KDM2A: variants seen among roughly 807,000 people sequenced by gnomAD.
The protein encoded by KDM2A is lysine demethylase 2A, also known as lysine-specific demethylase 2A.
In KDM2A, 3 loss-of-function variants were observed where a neutral mutation model predicts 137.3. The ratio of observed to expected loss-of-function variants is 0.02; its 90% CI spans 0.01 to 0.06. The LOEUF is 0.06. KDM2A is among the 10% of genes least tolerant of loss of function. The pLI is 1.00. For missense variants in KDM2A, 738 were observed against 1,510.6 expected (o/e 0.49, Z 8.48); for synonymous variants, 512 against 541.5 (o/e 0.95, Z 0.76).
At position 67,250,526 on chromosome 11, in the gene KDM2A, C is replaced by A. The variant is rs753997374; in HGVS notation, c.2496C>A (p.Ser832=). The change falls in exon 17 of 21, where the codon TCC becomes TCA. Residue 832 remains serine (S), a synonymous_variant. Transcript: ENST00000529006. This position sits in a 1 kb window ranked among gnomAD's most constrained non-coding sequence, Gnocchi z 7.1. The part of the protein sequence containing the change: ...ITASSANLRH[S]PRVLVQHCPA... ...CCTCCTCTGCCAACCTTCGCCATTC[C>A]CCCCGTGTGCTAGTGCAGCACTGCC... 3.7e-6 allele frequency: 6 copies of A among 1,613,984 alleles called. No homozygotes were observed. Among genetic ancestry groups the A allele is most frequent in the East Asian group, 4.5e-5 (2 of 44,890 alleles).
rs954573221 is a variant in KDM2A at position 67,255,013 on chromosome 11, C to T, written c.3447C>T (p.Leu1149=). The T allele has an allele frequency of 6.2e-7, 1 of 1,613,204 alleles. No individual in the cohort carries two copies. The highest frequency in any genetic ancestry group is 1.3e-5 in the African/African-American group (1 of 74,906). The change falls in exon 21 of 21, where the codon CTC becomes CTT. Residue 1149 remains leucine (L), a synonymous_variant. Coordinates refer to ENST00000529006, the MANE Select transcript of KDM2A (RefSeq NM_012308.3). ...TCTCAGACTTGTCCATCAACAGCCT[C>T]TACTGCCTGTCTGACGAGAAGCTGA... is the stretch of plus-strand genomic sequence containing the variant. ...HFISDLSINS[L]YCLSDEKLIQ...
chr11:67,243,089 T>C lies in KDM2A; in HGVS notation c.1560T>C (p.Asp520=). The C allele has an allele frequency of 6.2e-7, 1 of 1,609,850 alleles. No homozygotes were observed. Among genetic ancestry groups the C allele is most frequent in the South Asian group, 1.1e-5 (1 of 90,990 alleles). The change falls in exon 13 of 21, where the codon GAT becomes GAC. Residue 520 remains aspartate, a synonymous_variant. Coordinates refer to ENST00000529006, the MANE Select transcript of KDM2A (RefSeq NM_012308.3). ...CTATAGTACAGTGGCCAAAAAGGGA[T>C]AAGGTAAGAAACTATTTTCCTTGAT... ...GVPIVQWPKR[D]KLKFPTRPKV...
intron 5 of KDM2A, among the ~76,000 whole-genome samples, chr11:67,206,753 A>T (rs945137853): frequency 6.6e-6 from 1 of 152,212 alleles, no homozygotes; most frequent in Non-Finnish European, 1.5e-5. Context: ...ATAAATAAAC[A>T]AACTTAGGTC....
At chr11:67,231,354 C>G (rs1036425792) in intron 11 of KDM2A, among the ~76,000 whole-genome samples, 2 of 152,110 alleles carry the variant, frequency 1.3e-5, no homozygotes, top group African/African-American at 2.4e-5. Context: ...TGACTATTAC[C>G]TAGGTGTCCT....
At chr11:67,124,169 A>C (rs1376138270) in intron 2 of KDM2A, among the ~76,000 whole-genome samples, 1 of 139,344 alleles carries the variant, frequency 7.2e-6, no homozygotes, top group Non-Finnish European at 1.6e-5. Flanking sequence ...ACACCCAGCT[A>C]ATTTTTATAT....
intron 2 of KDM2A, among the ~76,000 whole-genome samples, chr11:67,126,066 G>T (rs868395872): frequency 6.8e-6 from 1 of 148,146 alleles, no homozygotes; most frequent in Non-Finnish European, 1.5e-5. Flanking sequence ...ACACAACATG[G>T]AGAAACCCCG....
rs1175498365 is a variant in KDM2A, at chr11:67,125,958, A to G, written c.42+4600A>G. On this transcript the variant is annotated intron_variant, in intron 2 of 20. Transcript: ENST00000529006. The stretch of plus-strand genomic sequence containing the variant: ...GCTTCACCTCAAAAAAAAAAAAAAA[A>G]AAAAAGGCCAGGCACAGTGTCTCAC... 2.0e-5 allele frequency among the ~76,000 whole-genome samples: 3 copies of G among 149,932 alleles called. No individual in the cohort carries two copies. The Admixed American group carries it at 2.0e-4, about 10-fold the overall frequency.
At chr11:67,130,514 G>A (rs187930586) in intron 2 of KDM2A, among the ~76,000 whole-genome samples, 74 of 152,230 alleles carry the variant, frequency 4.9e-4, no homozygotes, top group African/African-American at 1.7e-3. Context: ...CAGCCTTAAA[G>A]CTGTGAAGTT....
chr11:67,181,781 A>G (rs894107998), intron 4 of KDM2A, 65 bp from the exon 5 acceptor site: 1 of 1,443,238 alleles, frequency 6.9e-7, no homozygotes. Flanking sequence ...ACTTTAAGAA[A>G]AAAAACTCAC....
At chr11:67,194,960 A>G (rs1033850835) in intron 5 of KDM2A, among the ~76,000 whole-genome samples, 1 of 152,314 alleles carries the variant, frequency 6.6e-6, no homozygotes, top group East Asian at 1.9e-4. Context: ...CTCAATTATT[A>G]CAGGAATCCT....
At chr11:67,151,905 G>A (rs560989964) in intron 2 of KDM2A, among the ~76,000 whole-genome samples, 57 of 151,998 alleles carry the variant, frequency 3.8e-4, no homozygotes, top group African/African-American at 1.3e-3. Context: ...CCACCACACC[G>A]GGCTAATTTT....
intron 10 of KDM2A, among the ~76,000 whole-genome samples, chr11:67,225,316 A>G (rs1858505483): frequency 6.6e-6 from 1 of 152,204 alleles, no homozygotes; most frequent in African/African-American, 2.4e-5. Context: ...AATCCTAGAA[A>G]ACATAGCATT....
intron 2 of KDM2A, among the ~76,000 whole-genome samples, chr11:67,165,810 A>G (rs567646817): frequency 6.6e-6 from 1 of 152,164 alleles, no homozygotes; most frequent in Non-Finnish European, 1.5e-5. Flanking sequence ...TTTCAGGTTT[A>G]TAGTAACCTT....
intron 12 of KDM2A, among the ~76,000 whole-genome samples, chr11:67,240,665 G>A (rs572289725): frequency 1.7e-4 from 26 of 152,118 alleles, no homozygotes; most frequent in Non-Finnish European, 3.4e-4. Flanking sequence ...TCTCCCGAAT[G>A]CCTGGAGCCG....
At chr11:67,217,957 C>A in intron 9 of KDM2A, 73 bp downstream of exon 9, 1 of 1,303,920 alleles carries the variant, frequency 7.7e-7, no homozygotes, top group African/African-American at 1.5e-5. Flanking sequence ...TGGATTACCA[C>A]CAAGAATAGT....
intron 5 of KDM2A, among the ~76,000 whole-genome samples, chr11:67,193,803 G>A (rs1857413454): frequency 6.6e-6 from 1 of 152,208 alleles, no homozygotes; most frequent in South Asian, 2.1e-4. Context: ...GGAGGTTGCG[G>A]TAAGCTGAGA....
chr11:67,183,820 C>T (rs1460166200), intron 5 of KDM2A, among the ~76,000 whole-genome samples: 3 of 152,024 alleles, frequency 2.0e-5, no homozygotes, highest in Non-Finnish European at 4.4e-5. Context: ...GACAAAGAGG[C>T]AGGTGGGGCC....
At chr11:67,201,700 G>A (rs978378699) in intron 5 of KDM2A, among the ~76,000 whole-genome samples, 3 of 144,066 alleles carry the variant, frequency 2.1e-5, no homozygotes, top group Non-Finnish European at 4.5e-5. Flanking sequence ...CCTGGGAGAC[G>A]GAGGTTGCAG....
intron 5 of KDM2A, among the ~76,000 whole-genome samples, chr11:67,200,978 G>C (rs186893174): frequency 9.2e-4 from 140 of 152,052 alleles, no homozygotes; most frequent in African/African-American, 3.1e-3. Flanking sequence ...TGGATCACGA[G>C]GTCAGGAGAT....
Sources: gnomAD v4.1 joint callset for allele counts (sites outside exome capture counted in the v4.1 genomes callset) on GRCh38, gnomAD v4.1.1 for gene constraint, Gnocchi (gnomAD v3.1) non-coding constraint, MANE v1.5 for transcripts, NCBI Gene and HGNC (gene_info 2026-07-23, HGNC 2026-07-21) for gene names.